Variants in BSG observed in about 807,000 individuals in gnomAD.
The protein encoded by BSG is basigin.
A neutral mutation model predicts 43.1 loss-of-function variants in BSG; 37 were observed. The ratio of observed to expected loss-of-function variants is 0.86; its 90% CI spans 0.66 to 1.13. The LOEUF is 1.13. BSG is among the 50% of genes most tolerant of loss of function. The probability of loss-of-function intolerance (pLI) is 0.00; values close to 1 mark genes in which losing one functional copy is unlikely to be tolerated. For missense variants in BSG, 599 were observed against 554.2 expected (o/e 1.08, Z -0.81); for synonymous variants, 309 against 238.7 (o/e 1.29, Z -2.72).
chr19:572,569 T>G, upstream of BSG: 1 of 1,421,874 alleles, frequency 7.0e-7, no homozygotes, highest in East Asian at 3.1e-5. Context: ...TCCGCCGCTT[T>G]TTATAGCGGC....
intron 6 of BSG, among the ~76,000 whole-genome samples, chr19:582,055 C>A (rs1982372483): frequency 6.6e-6 from 1 of 152,186 alleles, no homozygotes; most frequent in Non-Finnish European, 1.5e-5. Context: ...CGCTGTGGGG[C>A]AGGGGTGAGG....
At chr19:582,160 G>C in intron 6 of BSG, 146 bp from the exon 7 acceptor site, 1 of 975,208 alleles carries the variant, frequency 1.0e-6, no homozygotes, top group Non-Finnish European at 1.5e-6. Flanking sequence ...GCACGTGGCC[G>C]GGGCTGATGA....
upstream of BSG, chr19:572,549 G>T: frequency 7.4e-7 from 1 of 1,357,368 alleles, no homozygotes; most frequent in South Asian, 1.8e-5. Context: ...GCGCGCGCCC[G>T]GTCCGCGCCT....
intron 1 of BSG, among the ~76,000 whole-genome samples, chr19:576,927 GTGTA>G (rs912853877): frequency 1.5e-4 from 23 of 151,248 alleles, no homozygotes; most frequent in African/African-American, 5.4e-4. Context: ...ATATGCACGT[GTGTA>G]TGTGTTGTGT....
At chr19:576,323 AG>A (rs1981768489) in intron 1 of BSG, among the ~76,000 whole-genome samples, 1 of 152,242 alleles carries the variant, frequency 6.6e-6, no homozygotes, top group Non-Finnish European at 1.5e-5. Context: ...CAGGGCAGGA[AG>A]GAGCTTGCCA....
intron 1 of BSG, among the ~76,000 whole-genome samples, chr19:572,975 C>A (rs942856859): frequency 6.6e-6 from 1 of 152,276 alleles, no homozygotes; most frequent in East Asian, 1.9e-4. Context: ...CGTGAAGCTC[C>A]CTGCTTGGAG....
rs1981946376 is a variant in BSG at position 578,127 on chromosome 19, TGGCG to T, written c.415+10_415+13del. 9.7e-6 allele frequency: 15 copies of T among 1,543,570 alleles called. No homozygotes were observed. The highest frequency in any genetic ancestry group is 1.3e-5 in the Non-Finnish European group (15 of 1,140,518). On this transcript the variant is annotated splice_region_variant and intron_variant, in intron 2 of 8. Coordinates refer to ENST00000333511, the MANE Select transcript of BSG (RefSeq NM_001728.4). ...AGTCGTGCTAGTCCTGGAACGTGAG[TGGCG>T]GGCACCTCCCTCCCCGCCTCCCTCA...
Position 579,514 on chromosome 19 carries a change from A to G in BSG, c.430A>G (p.Thr144Ala), listed in dbSNP as rs375283966. 86 of 1,612,542 alleles carry G rather than the reference A, an allele frequency of 5.3e-5. No homozygotes were observed. The Middle Eastern group carries it at 6.6e-4, about 12-fold the overall frequency. The part of the protein sequence containing the change: ...VLVLEPGTVF[T>A]TVEDLGSKIL... ...GGGCCTTGCAGCCGGCACAGTCTTC[A>G]CTACCGTAGAAGACCTTGGCTCCAA... The change falls in exon 3 of 9, where the codon ACT (threonine) becomes GCT (alanine). Residue 144 changes from threonine (T) to alanine (A), a missense_variant. Coordinates refer to ENST00000333511, the MANE Select transcript of BSG (RefSeq NM_001728.4).
At chr19:573,195 CA>C (rs1981440262) in intron 1 of BSG, among the ~76,000 whole-genome samples, 4 of 152,170 alleles carry the variant, frequency 2.6e-5, no homozygotes, top group African/African-American at 2.4e-5. Flanking sequence ...AGCCAGGGGT[CA>C]GGGGCTGGTT....
upstream of BSG, chr19:572,416 GC>G (rs1031707132): frequency 8.9e-7 from 1 of 1,128,994 alleles, no homozygotes. Context: ...GTGCGCCGCC[GC>G]CCGGATTCCG....
At chr19:576,074 A>G (rs545068935) in intron 1 of BSG, among the ~76,000 whole-genome samples, 73 of 152,338 alleles carry the variant, frequency 4.8e-4, no homozygotes, top group African/African-American at 1.7e-3. Flanking sequence ...AAGCTGGCGG[A>G]CCCAGCGGGA....
At chr19:576,092 G>A (rs1981747213) in intron 1 of BSG, among the ~76,000 whole-genome samples, 1 of 152,248 alleles carries the variant, frequency 6.6e-6, no homozygotes, top group Admixed American at 6.5e-5. Context: ...GGAGCACCGG[G>A]ACCGGTGCAG....
chr19:577,735 C>T (rs988967046), intron 1 of BSG, 39 bp from the exon 2 acceptor site: 7 of 1,337,234 alleles, frequency 5.2e-6, no homozygotes, highest in Admixed American at 6.9e-5. Flanking sequence ...CCCAAGTGCC[C>T]CAGGCACTAA....
At chr19:576,962 TTGTG>T (rs28921982) in intron 1 of BSG, among the ~76,000 whole-genome samples, 2 of 151,340 alleles carry the variant, frequency 1.3e-5, no homozygotes. Context: ...ACGTGTGTCC[TTGTG>T]TGTGTGTGTG....
At chr19:577,426 T>A (rs7252138) in intron 1 of BSG, among the ~76,000 whole-genome samples, 1 of 151,706 alleles carries the variant, frequency 6.6e-6, no homozygotes, top group Admixed American at 6.6e-5. Flanking sequence ...CGGGCAGAAG[T>A]CAGAGGACGG....
rs1210064131 is a variant in BSG at position 582,581 on chromosome 19, A to T, written c.*4A>T. 9.9e-7 allele frequency: 1 copy of T among 1,012,000 alleles called. No individual in the cohort carries two copies. Among genetic ancestry groups the T allele is most frequent in the Non-Finnish European group, 1.2e-6 (1 of 837,232 alleles). The allele number at this position is 1,012,000 out of a possible 1,614,324, so 62.7% of individuals were successfully genotyped here. Reference sequence around the variant, plus strand: ...CCGCCAGAGGAACTCTTCCTGAGGCAGGTGCGGTGGGCGGGAGCTCCTCCT... The same window carrying T: ...CCGCCAGAGGAACTCTTCCTGAGGCTGGTGCGGTGGGCGGGAGCTCCTCCT... On this transcript the variant is annotated splice_region_variant and 3_prime_UTR_variant, in exon 8 of 9. Transcript: ENST00000333511.
intron 1 of BSG, chr19:575,011 C>G (rs928436870): frequency 6.6e-6 from 1 of 152,286 alleles, no homozygotes; most frequent in Admixed American, 6.5e-5. Context: ...TGGTCTCTCC[C>G]TGCTGGGTAG....
chr19:575,195 CGT>C (rs953617410), intron 1 of BSG: 15 of 152,140 alleles, frequency 9.9e-5, no homozygotes, highest in African/African-American at 2.4e-4. Context: ...CGTGTGTGCG[CGT>C]GTGTGTGTGT....
At chr19:572,750 T>G (rs2145883194) in intron 1 of BSG, 49 bp downstream of exon 1, 1 of 1,394,002 alleles carries the variant, frequency 7.2e-7, no homozygotes, top group Non-Finnish European at 9.4e-7. Context: ...GGGCCGGGAA[T>G]GGAGGCCGCG....
Sources: gnomAD v4.1 joint callset for allele counts (sites outside exome capture counted in the v4.1 genomes callset) on GRCh38, gnomAD v4.1.1 for gene constraint, MANE v1.5 for transcripts, NCBI Gene and HGNC (gene_info 2026-07-23, HGNC 2026-07-21) for gene names.